Variants in AHR observed in about 807,000 individuals in gnomAD.
AHR encodes aryl hydrocarbon receptor.
In AHR, 40 loss-of-function variants were observed where a neutral mutation model predicts 86.8. That is an observed-to-expected ratio of 0.46 (90% confidence interval 0.36 to 0.60). The LOEUF is 0.60. AHR is among the 20% of genes least tolerant of loss of function. The pLI, the probability that AHR is intolerant of heterozygous loss-of-function variation, is 0.00. For synonymous variants in AHR, 398 were observed against 354.9 expected, an observed-to-expected ratio of 1.12 and a Z score of -1.37; for missense variants, 1,001 against 1,011.6, an observed-to-expected ratio of 0.99 and a Z score of 0.14.
chr7:17,308,698 TAAAC>T (rs556713578), intron 1 of AHR, among the ~76,000 whole-genome samples: 1,946 of 149,414 alleles, frequency 0.013, 13 homozygotes, highest in South Asian at 0.03. Flanking sequence ...GATACATACA[TAAAC>T]ACACACACAC....
rs371413755 is a variant in AHR at position 17,338,975 on chromosome 7, C to A, written c.1161-11C>A. On this transcript the variant is annotated splice_polypyrimidine_tract_variant and intron_variant, in intron 9 of 10. Transcript: ENST00000242057. ...AATTTTTTTCTAAGACTTTTTTGTA[C>A]ACAATTTTAGAGATGAGGAAGGAAC... The A allele has an allele frequency of 2.0e-6, 3 of 1,523,066 alleles. No individual in the cohort carries two copies. The African/African-American group carries it at 4.2e-5, about 21-fold the overall frequency. The allele number at this position is 1,523,066 out of a possible 1,614,324, so 94.3% of individuals were successfully genotyped here.
In AHR at chr7:17,346,000, A is replaced by G. The variant is rs1017512696; in HGVS notation, c.*2936A>G. The G allele has an allele frequency of 2.0e-5, 3 of 152,696 alleles. No individual in the cohort carries two copies. The highest frequency in any genetic ancestry group is 7.2e-5 in the African/African-American group (3 of 41,434). The allele number at this position is 152,696 out of a possible 1,614,324, so 9.5% of individuals were successfully genotyped here. ...AAACTAGTGTTTTTCGATGTTACTA[A>G]ATTTTAGGTAAATGCTTTCATGGCT... On this transcript the variant is annotated 3_prime_UTR_variant, in exon 11 of 11. Coordinates refer to ENST00000242057, the MANE Select transcript of AHR (RefSeq NM_001621.5).
Position 17,298,837 on chromosome 7 carries a change from C to T in AHR, c.-428C>T, listed in dbSNP as rs1781918617. 2.5e-6 allele frequency: 1 copy of T among 398,698 alleles called. No individual in the cohort carries two copies. 24.7% of individuals were successfully genotyped at this position (398,698 alleles called of 1,614,324 possible). On this transcript the variant is annotated 5_prime_UTR_variant, in exon 1 of 11. Transcript: ENST00000242057. ...TCCCGGGAGCAGCGCGGCGGCACCT[C>T]CCTCACCCAAGGGGCCGCGGCGACG... is the stretch of plus-strand genomic sequence containing the variant.
In AHR at chr7:17,307,958, A is replaced by G. The variant is rs575244811; in HGVS notation, c.66-1978A>G. On this transcript the variant is annotated intron_variant, in intron 1 of 10. Coordinates refer to ENST00000242057, the MANE Select transcript of AHR (RefSeq NM_001621.5). ...TGTCTGTCCTGAAACATCACATCAGAGAGACCTTCCTAGGCTGTCCAAACC... is the reference window on the plus strand; with the variant it reads ...TGTCTGTCCTGAAACATCACATCAGGGAGACCTTCCTAGGCTGTCCAAACC... 1.2e-3 allele frequency among the ~76,000 whole-genome samples: 187 copies of G among 152,234 alleles called. 1 individual carries two copies. The highest frequency in any genetic ancestry group is 4.5e-3 in the African/African-American group (185 of 41,548).
chr7:17,312,490 C>T (rs921353642), intron 2 of AHR, among the ~76,000 whole-genome samples: 25 of 152,244 alleles, frequency 1.6e-4, no homozygotes, highest in African/African-American at 6.0e-4. Context: ...TTAATGTCTA[C>T]ATTATGTGTG....
chr7:17,333,679 G>A (rs1782324706), intron 6 of AHR, among the ~76,000 whole-genome samples: 1 of 151,804 alleles, frequency 6.6e-6, no homozygotes, highest in Non-Finnish European at 1.5e-5. Flanking sequence ...TGACCATTAG[G>A]AACAAGGAGT....
At chr7:17,301,806 A>C (rs1781957294) in intron 1 of AHR, among the ~76,000 whole-genome samples, 1 of 151,878 alleles carries the variant, frequency 6.6e-6, no homozygotes, top group Non-Finnish European at 1.5e-5. Flanking sequence ...TTCTTTTTGG[A>C]GTAATGAAGG....
intron 9 of AHR, among the ~76,000 whole-genome samples, chr7:17,338,756 A>G (rs1782383378): frequency 6.6e-6 from 1 of 152,060 alleles, no homozygotes; most frequent in Non-Finnish European, 1.5e-5. Flanking sequence ...ATGTAACCTG[A>G]CCATGGAATT....
At chr7:17,320,048 C>T (rs1459708776) in intron 2 of AHR, among the ~76,000 whole-genome samples, 5 of 152,062 alleles carry the variant, frequency 3.3e-5, no homozygotes, top group African/African-American at 1.2e-4. Context: ...TGTCACTTTT[C>T]CTACTTATGT....
At chr7:17,299,356 G>C (rs745966469) in intron 1 of AHR, 27 bp downstream of exon 1, 4 of 1,608,860 alleles carry the variant, frequency 2.5e-6, no homozygotes. Context: ...CGTCCTCATC[G>C]CGGGGGCTGG....
chr7:17,309,873 C>A, intron 1 of AHR, 63 bp from the exon 2 acceptor site: 1 of 1,338,574 alleles, frequency 7.5e-7, no homozygotes, highest in Non-Finnish European at 1.0e-6. Context: ...TGTTATAATG[C>A]AATAGAAATT....
At chr7:17,340,302 A>G (rs1782406857) in intron 10 of AHR, 74 bp downstream of exon 10, 3 of 1,480,228 alleles carry the variant, frequency 2.0e-6, no homozygotes, top group Non-Finnish European at 8.9e-7. Flanking sequence ...CACATTTTTT[A>G]TGTCAGCTGA....
chr7:17,334,801 G>C (rs1443396883), intron 7 of AHR, 86 bp from the exon 8 acceptor site: 1 of 929,208 alleles, frequency 1.1e-6, no homozygotes, highest in Admixed American at 2.4e-5. Context: ...GCAGAAACTA[G>C]CGTAAAACCA....
In AHR at chr7:17,343,224, G is replaced by GA; in HGVS notation, c.*164dup. The GA allele has an allele frequency of 1.2e-6, 1 of 866,280 alleles. No homozygotes were observed. The highest frequency in any genetic ancestry group is 1.8e-6 in the Non-Finnish European group (1 of 546,898). The allele number at this position is 866,280 out of a possible 1,614,324, so 53.7% of individuals were successfully genotyped here. On this transcript the variant is annotated 3_prime_UTR_variant, in exon 11 of 11. Transcript: ENST00000242057. Reference sequence around the variant, plus strand: ...AACCAAATTTTAATTTTTGCTTTTAGAAAAGGGAGTTTAAAAATGGTATCA... The same window carrying GA: ...AACCAAATTTTAATTTTTGCTTTTAGAAAAAGGGAGTTTAAAAATGGTATCA...
rs190087586 is a variant in AHR, at chr7:17,319,138, A to G, written c.254-3363A>G. ...TTACTGCTTTCCACTTAAAGATGAT[A>G]AAAATACTCAGTTACCTCCTTAGGG... On this transcript the variant is annotated intron_variant, in intron 2 of 10. Coordinates refer to ENST00000242057, the MANE Select transcript of AHR (RefSeq NM_001621.5). Among the ~76,000 whole-genome samples, 263 of 152,264 alleles carry G rather than the reference A, an allele frequency of 1.7e-3. 1 individual carries two copies. The Middle Eastern group carries it at 0.068, about 39-fold the overall frequency.
In AHR at chr7:17,324,967, T is replaced by G. The variant is rs145495741; in HGVS notation, c.360+2360T>G. Among the ~76,000 whole-genome samples the G allele has an allele frequency of 2.1e-3, 326 of 152,352 alleles. 2 individuals carry two copies. Among genetic ancestry groups the G allele is most frequent in the African/African-American group, 7.2e-3 (301 of 41,586 alleles). ...AAATATATCTCTTGCTATTTAATAC[T>G]GTATTGTTAAAATCTTGCAGCTTTG... On this transcript the variant is annotated intron_variant, in intron 3 of 10. Coordinates refer to ENST00000242057, the MANE Select transcript of AHR (RefSeq NM_001621.5).
intron 2 of AHR, among the ~76,000 whole-genome samples, chr7:17,318,122 A>G (rs1315100441): frequency 1.3e-5 from 2 of 152,124 alleles, no homozygotes; most frequent in Non-Finnish European, 2.9e-5. Context: ...CTAAAAGGGG[A>G]TATGCTTTCC....
chr7:17,306,812 C>G (rs1782010569), intron 1 of AHR, among the ~76,000 whole-genome samples: 3 of 152,146 alleles, frequency 2.0e-5, no homozygotes. Flanking sequence ...CTCTTCAAGC[C>G]AGTCCTTTCT....
At chr7:17,329,095 G>A (rs1782258346) in intron 4 of AHR, among the ~76,000 whole-genome samples, 1 of 151,832 alleles carries the variant, frequency 6.6e-6, no homozygotes, top group Admixed American at 6.6e-5. Context: ...TATACACATG[G>A]ATTTTTTTCC....
Sources: allele counts gnomAD v4.1 joint callset (sites outside exome capture counted in the v4.1 genomes callset), GRCh38; gene constraint gnomAD v4.1.1; transcripts MANE v1.5; gene names NCBI Gene and HGNC (gene_info 2026-07-23, HGNC 2026-07-21).